Variants in LAMC1 observed in about 807,000 individuals in gnomAD.
LAMC1 encodes laminin subunit gamma-1.
LAMC1 carries 38 observed loss-of-function variants against 173.6 expected under a neutral mutation model. The observed-to-expected ratio is 0.22, with a 90% CI of 0.17 to 0.29. The LOEUF is 0.29. Ranked by LOEUF, LAMC1 falls within the 10% of genes least tolerant of loss-of-function variation. The pLI, the probability that LAMC1 is intolerant of heterozygous loss-of-function variation, is 1.00. For synonymous variants in LAMC1, 746 were observed against 749.1 expected, an observed-to-expected ratio of 1.00 and a Z score of 0.07; for missense variants, 1,824 against 2,051.8, an observed-to-expected ratio of 0.89 and a Z score of 2.14.
At chr1:183,133,028 G>A (rs1011598761) in intron 21 of LAMC1, among the ~76,000 whole-genome samples, 7 of 151,710 alleles carry the variant, frequency 4.6e-5, no homozygotes, top group African/African-American at 1.2e-4. Context: ...CTCCTGCCTC[G>A]GCCTCCTGAG....
At chr1:183,059,896 A>T (rs1433088564) in intron 1 of LAMC1, among the ~76,000 whole-genome samples, 2 of 152,140 alleles carry the variant, frequency 1.3e-5, no homozygotes, top group African/African-American at 4.8e-5. Context: ...TTGATTATAG[A>T]GATGTTGTAA....
chr1:183,031,951 T>C (rs866622769), intron 1 of LAMC1, among the ~76,000 whole-genome samples: 1 of 151,674 alleles, frequency 6.6e-6, no homozygotes. Flanking sequence ...AAAACACATA[T>C]GTAAAAGGGC....
Position 183,055,049 on chromosome 1 carries a change from C to T in LAMC1, c.418+30915C>T, listed in dbSNP as rs796467999. The stretch of plus-strand genomic sequence containing the variant: ...TGTTGCCTAGGCTGGAGTGCAGTGA[C>T]GCAATCTCGGCTCACTGCAACCTCC... On this transcript the variant is annotated intron_variant, in intron 1 of 27. Transcript: ENST00000258341. Among the ~76,000 whole-genome samples the T allele has an allele frequency of 2.4e-3, 366 of 149,438 alleles. 3 individuals carry two copies. Among genetic ancestry groups the T allele is most frequent in the African/African-American group, 7.7e-3 (313 of 40,504 alleles).
chr1:183,138,967 T>C (rs1571468569), intron 26 of LAMC1, among the ~76,000 whole-genome samples: 2 of 151,932 alleles, frequency 1.3e-5, no homozygotes, highest in African/African-American at 4.8e-5. Context: ...GGCAGGAGAA[T>C]TGCTTGAACT....
At chr1:183,083,280 G>A (rs1655334897) in intron 1 of LAMC1, among the ~76,000 whole-genome samples, 1 of 152,048 alleles carries the variant, frequency 6.6e-6, no homozygotes, top group Non-Finnish European at 1.5e-5. Context: ...AAACTTTAAA[G>A]TTGAGTTTTC....
At chr1:183,064,409 G>GGCCTATGTGTTACACTAT (rs1654815770) in intron 1 of LAMC1, among the ~76,000 whole-genome samples, 2 of 152,046 alleles carry the variant, frequency 1.3e-5, no homozygotes, top group Non-Finnish European at 2.9e-5. Context: ...GTAACACATT[G>GGCCTATGTGTTACACTAT]GTAAGTATAG....
chr1:183,128,780 T>C, intron 18 of LAMC1, 30 bp downstream of exon 18: 2 of 1,536,568 alleles, frequency 1.3e-6, no homozygotes, highest in Non-Finnish European at 1.8e-6. Flanking sequence ...GCATGACTTC[T>C]GTGAGATGGA....
intron 1 of LAMC1, among the ~76,000 whole-genome samples, chr1:183,050,445 CT>C (rs1423908839): frequency 1.3e-5 from 2 of 150,450 alleles, no homozygotes; most frequent in Non-Finnish European, 3.0e-5. Context: ...CCATGCCTGG[CT>C]AATTTTTTTG....
intron 1 of LAMC1, among the ~76,000 whole-genome samples, chr1:183,097,777 T>C (rs982772797): frequency 6.6e-6 from 1 of 152,156 alleles, no homozygotes; most frequent in Non-Finnish European, 1.5e-5. Flanking sequence ...GCATGAACTG[T>C]AGGATCTAGA....
At chr1:183,072,996 TGTA>T (rs752778123) in intron 1 of LAMC1, among the ~76,000 whole-genome samples, 4 of 152,180 alleles carry the variant, frequency 2.6e-5, no homozygotes, top group Non-Finnish European at 4.4e-5. Flanking sequence ...ATATTACAAA[TGTA>T]ATAATAATAG....
chr1:183,084,987 CATTTTGGG>C (rs1260269175), intron 1 of LAMC1, among the ~76,000 whole-genome samples: 1 of 152,160 alleles, frequency 6.6e-6, no homozygotes, highest in Non-Finnish European at 1.5e-5. Flanking sequence ...GTAATCCCAG[CATTTTGGG>C]ATCACGAGGT....
chr1:183,099,119 C>G (rs930729035), intron 1 of LAMC1, among the ~76,000 whole-genome samples: 2 of 151,948 alleles, frequency 1.3e-5, no homozygotes, highest in African/African-American at 4.8e-5. Context: ...AAGGGAGTCT[C>G]GCTGTGTTGC....
In LAMC1 at chr1:183,136,373, G is replaced by C. The variant is rs1440740246; in HGVS notation, c.4115-13G>C. 6.2e-7 allele frequency: 1 copy of C among 1,613,168 alleles called. No homozygotes were observed. Among genetic ancestry groups the C allele is most frequent in the South Asian group, 1.1e-5 (1 of 90,884 alleles). ...GGGAGTTTAGCTCAAATGTGTCCTT[G>C]AACTTGTTTCAGATTTTGATAGGCG... is the stretch of plus-strand genomic sequence containing the variant. On this transcript the variant is annotated splice_polypyrimidine_tract_variant and intron_variant, in intron 24 of 27. Coordinates refer to ENST00000258341, the MANE Select transcript of LAMC1 (RefSeq NM_002293.4).
At chr1:183,083,648 T>C (rs1450936546) in intron 1 of LAMC1, among the ~76,000 whole-genome samples, 2 of 152,220 alleles carry the variant, frequency 1.3e-5, no homozygotes, top group Admixed American at 1.3e-4. Flanking sequence ...AACTTGAAGG[T>C]GTAAAAATTT....
chr1:183,068,737 T>C (rs1654937772), intron 1 of LAMC1, among the ~76,000 whole-genome samples: 1 of 152,030 alleles, frequency 6.6e-6, no homozygotes, highest in Non-Finnish European at 1.5e-5. Context: ...GGTCAGGAGA[T>C]TGAGACCATC....
At chr1:183,062,969 A>T (rs908091809) in intron 1 of LAMC1, among the ~76,000 whole-genome samples, 64 of 152,302 alleles carry the variant, frequency 4.2e-4, no homozygotes, top group Non-Finnish European at 7.1e-4. Flanking sequence ...ATAATAATAA[A>T]AAAAAGTAGT....
intron 1 of LAMC1, among the ~76,000 whole-genome samples, chr1:183,084,548 G>A (rs1363400893): frequency 1.3e-5 from 2 of 152,166 alleles, no homozygotes; most frequent in Non-Finnish European, 2.9e-5. Context: ...AAGCTAATTT[G>A]ATTTCCCCAC....
At chr1:183,096,799 A>G (rs1171579292) in intron 1 of LAMC1, among the ~76,000 whole-genome samples, 1 of 120,458 alleles carries the variant, frequency 8.3e-6, no homozygotes, top group East Asian at 2.8e-4. Context: ...ATGAAAAGGG[A>G]GTACAGAAAT....
intron 11 of LAMC1, among the ~76,000 whole-genome samples, chr1:183,119,393 G>A (rs1301161042): frequency 6.6e-6 from 1 of 152,128 alleles, no homozygotes. Flanking sequence ...TGAATCTGGG[G>A]CTTAGGAAGA....
Sources: allele counts gnomAD v4.1 joint callset (sites outside exome capture counted in the v4.1 genomes callset), GRCh38; gene constraint gnomAD v4.1.1; transcripts MANE v1.5; gene names NCBI Gene and HGNC (gene_info 2026-07-23, HGNC 2026-07-21).